Variants in CLASP2 observed in about 807,000 individuals in gnomAD.
The protein encoded by CLASP2 is CLIP-associating protein 2.
In CLASP2, 47 loss-of-function variants were observed where a neutral mutation model predicts 194.4. That is an observed-to-expected ratio of 0.24 (90% CI 0.19 to 0.31). The LOEUF (loss-of-function observed/expected upper bound fraction) is 0.31. CLASP2 is among the 10% of genes least tolerant of loss of function. The pLI is 1.00. For synonymous variants in CLASP2, 619 were observed against 633.5 expected (o/e 0.98, Z 0.34); for missense variants, 1,445 against 1,823.6 (o/e 0.79, Z 3.78).
At chr3:33,649,281 G>A (rs2082784377) in intron 7 of CLASP2, among the ~76,000 whole-genome samples, 1 of 152,256 alleles carries the variant, frequency 6.6e-6, no homozygotes, top group Non-Finnish European at 1.5e-5. Context: ...ATCCCTGCCT[G>A]TGTTATTTTT....
intron 33 of CLASP2, among the ~76,000 whole-genome samples, chr3:33,536,091 T>G (rs2057281483): frequency 6.6e-6 from 1 of 152,146 alleles, no homozygotes; most frequent in South Asian, 2.1e-4. Flanking sequence ...ACTGGGCAAC[T>G]ATGTGCCAAG....
In CLASP2 at chr3:33,597,494, C is replaced by CA. The variant is rs1307794172; in HGVS notation, c.1925-761dup. Among the ~76,000 whole-genome samples the CA allele has an allele frequency of 2.0e-5, 3 of 152,148 alleles. No homozygotes were observed. The South Asian group carries it at 6.2e-4, about 32-fold the overall frequency. ...AGTGTGTGTGCAGAAGTTGTGGGGACACTGAACTCTGCTACAGTTTGCCTA... is the reference window on the plus strand; with the variant it reads ...AGTGTGTGTGCAGAAGTTGTGGGGACAACTGAACTCTGCTACAGTTTGCCTA... On this transcript the variant is annotated intron_variant, in intron 18 of 38. Coordinates refer to ENST00000682230, the MANE Select transcript of CLASP2 (RefSeq NM_001365631.1).
At chr3:33,604,088 A>C (rs557846750) in intron 17 of CLASP2, 66 bp downstream of exon 17, 1,667 of 1,214,244 alleles carry the variant, frequency 1.4e-3, no homozygotes, top group Non-Finnish European at 1.6e-3. Flanking sequence ...AGCACATCAA[A>C]AGAGTTTGAA....
chr3:33,710,353 T>C (rs969709002), intron 1 of CLASP2, among the ~76,000 whole-genome samples: 1 of 152,202 alleles, frequency 6.6e-6, no homozygotes, highest in Non-Finnish European at 1.5e-5. Flanking sequence ...TTAATTATTA[T>C]CATAAGCAGG....
intron 8 of CLASP2, among the ~76,000 whole-genome samples, chr3:33,643,222 T>C (rs1443794260): frequency 6.6e-6 from 1 of 151,946 alleles, no homozygotes; most frequent in Non-Finnish European, 1.5e-5. Context: ...ACTGGTTCAA[T>C]TCATAAAATG....
intron 30 of CLASP2, among the ~76,000 whole-genome samples, chr3:33,545,395 C>G (rs568988022): frequency 2.0e-5 from 3 of 152,230 alleles, no homozygotes; most frequent in Admixed American, 6.5e-5. Flanking sequence ...GAGAGAAACT[C>G]AAATCATTTA....
At chr3:33,707,257 G>A (rs2154355708) in intron 1 of CLASP2, among the ~76,000 whole-genome samples, 1 of 152,254 alleles carries the variant, frequency 6.6e-6, no homozygotes, top group African/African-American at 2.4e-5. Context: ...TAACTGCACT[G>A]TCTTGAAACA....
intron 9 of CLASP2, 125 bp downstream of exon 9, chr3:33,632,167 A>T: frequency 1.8e-6 from 1 of 543,890 alleles, no homozygotes; most frequent in Non-Finnish European, 3.1e-6. Context: ...TGGTATTAAT[A>T]AGTCAAATAT....
chr3:33,497,892 A>G lies in CLASP2; in HGVS notation c.*739T>C, dbSNP rs1294003722. ...AATAAAACCTTCTATTTCAGTAAGT[A>G]TCAAGAAAAAACAGGCAGATGATTT... On this transcript the variant is annotated 3_prime_UTR_variant, in exon 39 of 39. Coordinates refer to ENST00000682230, the MANE Select transcript of CLASP2 (RefSeq NM_001365631.1). The G allele has an allele frequency of 6.6e-6, 1 of 152,666 alleles. No homozygotes were observed. The highest frequency in any genetic ancestry group is 2.4e-5 in the African/African-American group (1 of 41,470). 9.5% of individuals were successfully genotyped at this position (152,666 alleles called of 1,614,324 possible).
intron 6 of CLASP2, among the ~76,000 whole-genome samples, chr3:33,674,875 A>C (rs1016814347): frequency 4.1e-4 from 62 of 152,182 alleles, no homozygotes; most frequent in African/African-American, 1.5e-3. Context: ...CACCCTCCCA[A>C]GACTAAACCA....
chr3:33,524,127 A>G (rs1408663468), intron 34 of CLASP2, among the ~76,000 whole-genome samples: 3 of 152,102 alleles, frequency 2.0e-5, no homozygotes, highest in Non-Finnish European at 4.4e-5. Flanking sequence ...GAATTAAATC[A>G]CCCAGTCAAA....
intron 36 of CLASP2, among the ~76,000 whole-genome samples, chr3:33,515,613 C>T (rs1034481324): frequency 1.3e-5 from 2 of 152,150 alleles, no homozygotes; most frequent in African/African-American, 4.8e-5. Flanking sequence ...CACACCACTG[C>T]ACTCCAGCCT....
At chr3:33,636,510 AG>A (rs2080166314) in intron 8 of CLASP2, among the ~76,000 whole-genome samples, 1 of 152,248 alleles carries the variant, frequency 6.6e-6, no homozygotes, top group African/African-American at 2.4e-5. Context: ...CAGCAATTAC[AG>A]GTATAAAAGA....
intron 38 of CLASP2, among the ~76,000 whole-genome samples, chr3:33,500,246 G>A (rs1163092390): frequency 6.6e-6 from 1 of 152,040 alleles, no homozygotes; most frequent in East Asian, 1.9e-4. Flanking sequence ...TGTTGACCAG[G>A]CTGGTCTTGA....
At chr3:33,627,118 G>T in intron 9 of CLASP2, 38 bp from the exon 10 acceptor site, 1 of 1,212,806 alleles carries the variant, frequency 8.2e-7, no homozygotes, top group Non-Finnish European at 1.2e-6. Flanking sequence ...AATGTTTCTT[G>T]CCATGAACAA....
intron 6 of CLASP2, among the ~76,000 whole-genome samples, chr3:33,668,577 C>T (rs566190775): frequency 1.3e-5 from 2 of 152,300 alleles, no homozygotes; most frequent in East Asian, 1.9e-4. Flanking sequence ...AATTAATCTA[C>T]GCTTTAACTT....
At chr3:33,591,139 T>C (rs1361805878) in intron 21 of CLASP2, among the ~76,000 whole-genome samples, 1 of 151,748 alleles carries the variant, frequency 6.6e-6, no homozygotes, top group Non-Finnish European at 1.5e-5. Flanking sequence ...ATTGTGCCAC[T>C]GCACTATAGC....
Position 33,696,895 on chromosome 3 carries a change from C to T in CLASP2, c.234G>A (p.Val78=). The stretch of plus-strand genomic sequence containing the variant: ...ATTTAAAGCGTGTTGATAATCTGTC[C>T]ACAAAGGCACTTAAAATTTCCAATC... ...LMGLEILSAF[V]DRLSTRFKSY... is the part of the protein sequence containing the mutation. Residue 78 remains valine (V), a synonymous_variant, in exon 2 of 39, where the codon GTG becomes GTA. Coordinates refer to ENST00000682230, the MANE Select transcript of CLASP2 (RefSeq NM_001365631.1). 1 of 1,596,742 alleles carries T rather than the reference C, an allele frequency of 6.3e-7. No homozygotes were observed. The highest frequency in any genetic ancestry group is 8.5e-7 in the Non-Finnish European group (1 of 1,170,060).
At chr3:33,556,700 G>C (rs969619454) in intron 29 of CLASP2, among the ~76,000 whole-genome samples, 8 of 152,142 alleles carry the variant, frequency 5.3e-5, no homozygotes, top group Non-Finnish European at 7.3e-5. Flanking sequence ...GCCTCCCAAA[G>C]TGCTGGGATC....
Sources: gnomAD v4.1 joint callset for allele counts (sites outside exome capture counted in the v4.1 genomes callset) on GRCh38, gnomAD v4.1.1 for gene constraint, MANE v1.5 for transcripts, NCBI Gene and HGNC (gene_info 2026-07-23, HGNC 2026-07-21) for gene names.